NPAS2: variants seen among roughly 807,000 people sequenced by gnomAD.
NPAS2 encodes neuronal PAS domain protein 2, also known as neuronal PAS domain-containing protein 2.
Under a neutral mutation model 107.5 loss-of-function variants are expected in NPAS2, and 23 were observed. The ratio of observed to expected loss-of-function variants is 0.21; its 90% CI spans 0.15 to 0.30. The LOEUF is 0.30. Ranked by LOEUF, NPAS2 falls within the 10% of genes least tolerant of loss-of-function variation. NPAS2 has a pLI of 1.00. For missense variants in NPAS2, 756 were observed against 1,043.3 expected (o/e 0.72, Z 3.79); for synonymous variants, 403 against 417.5 (o/e 0.97, Z 0.42).
rs541767166 is a variant in NPAS2 at position 100,863,891 on chromosome 2, C to A, written c.-22-40842C>A. Among the ~76,000 whole-genome samples, 7 of 152,264 alleles carry A rather than the reference C, an allele frequency of 4.6e-5. No individual in the cohort carries two copies. In the South Asian group the frequency reaches 1.5e-3, roughly 32 times the overall value. On this transcript the variant is annotated intron_variant, in intron 1 of 20. Transcript: ENST00000335681. Reference sequence around the variant, plus strand: ...CTTCTCTCTCTCTCATGGACAGTGTCCTCCATCAGTATAAGCTTTTGACCT... The same window carrying A: ...CTTCTCTCTCTCTCATGGACAGTGTACTCCATCAGTATAAGCTTTTGACCT...
chr2:100,850,153 A>G (rs548211621), intron 1 of NPAS2, among the ~76,000 whole-genome samples: 2 of 152,296 alleles, frequency 1.3e-5, no homozygotes, highest in African/African-American at 2.4e-5. Context: ...ATACTTCATA[A>G]AAGGTAATCA....
At chr2:100,857,170 C>T (rs995250850) in intron 1 of NPAS2, among the ~76,000 whole-genome samples, 7 of 151,910 alleles carry the variant, frequency 4.6e-5, no homozygotes, top group African/African-American at 7.2e-5. Context: ...GCCAGGCGGG[C>T]GCCTATAATC....
At chr2:100,882,757 G>GT (rs1680452324) in intron 1 of NPAS2, among the ~76,000 whole-genome samples, 1 of 152,196 alleles carries the variant, frequency 6.6e-6, no homozygotes, top group Non-Finnish European at 1.5e-5. Context: ...CCTCTGCCTT[G>GT]CCTGGGTGAA....
At chr2:100,970,577 A>G (rs1573751958) in intron 11 of NPAS2, 1 of 156,642 alleles carries the variant, frequency 6.4e-6, no homozygotes, top group East Asian at 1.9e-4. Flanking sequence ...TAACTACTAA[A>G]AAAGTTTTGT....
At chr2:100,833,195 CA>C (rs1436129083) in intron 1 of NPAS2, among the ~76,000 whole-genome samples, 1 of 152,178 alleles carries the variant, frequency 6.6e-6, no homozygotes, top group Non-Finnish European at 1.5e-5. Flanking sequence ...TGGCCCATAG[CA>C]GAAAGCTTTG....
rs879738944 is a variant in NPAS2, at chr2:100,996,650, G to A, written c.*1068G>A. On this transcript the variant is annotated 3_prime_UTR_variant, in exon 21 of 21. Coordinates refer to ENST00000335681, the MANE Select transcript of NPAS2 (RefSeq NM_002518.4). ...ATGTAATTATAAGATGAAGCGTAGT[G>A]AATTGTACAGCTGTTGTAATAATGA... 3 of 152,652 alleles carry A rather than the reference G, an allele frequency of 2.0e-5. No homozygotes were observed. The highest frequency in any genetic ancestry group is 4.4e-5 in the Non-Finnish European group (3 of 68,030). The allele number at this position is 152,652 out of a possible 1,614,324, so 9.5% of individuals were successfully genotyped here. A position where few individuals can be genotyped will look rare whatever the true frequency, so the allele number is the denominator to read the frequency against.
chr2:100,887,816 C>T (rs1407510603), intron 1 of NPAS2, among the ~76,000 whole-genome samples: 5 of 152,126 alleles, frequency 3.3e-5, no homozygotes, highest in Admixed American at 6.5e-5. Flanking sequence ...GGGCTGGTGC[C>T]GGCACCGCCC....
At chr2:100,832,162 G>A (rs1052020717) in intron 1 of NPAS2, among the ~76,000 whole-genome samples, 1 of 152,098 alleles carries the variant, frequency 6.6e-6, no homozygotes, top group Non-Finnish European at 1.5e-5. Flanking sequence ...TAGGCACATC[G>A]GCATTCTATC....
intron 1 of NPAS2, among the ~76,000 whole-genome samples, chr2:100,832,118 G>A (rs569037314): frequency 2.6e-5 from 4 of 152,194 alleles, no homozygotes; most frequent in South Asian, 4.1e-4. Context: ...CTGGGCCTGC[G>A]ATCCCCGCTG....
intron 3 of NPAS2, 54 bp downstream of exon 3, chr2:100,925,348 G>A: frequency 6.3e-7 from 1 of 1,582,806 alleles, no homozygotes. Context: ...TCCATGTGGT[G>A]ATGACTTCAC....
intron 10 of NPAS2, among the ~76,000 whole-genome samples, chr2:100,967,639 C>G (rs1676302841): frequency 6.6e-6 from 1 of 152,140 alleles, no homozygotes; most frequent in Non-Finnish European, 1.5e-5. Flanking sequence ...ATTCTTCTTC[C>G]TTGGATCCGT....
intron 1 of NPAS2, among the ~76,000 whole-genome samples, chr2:100,867,178 G>T (rs1033502583): frequency 6.6e-6 from 1 of 152,130 alleles, no homozygotes. Flanking sequence ...CCATTATTGG[G>T]TATAATATTC....
At chr2:100,967,375 C>T (rs1676285681) in intron 10 of NPAS2, among the ~76,000 whole-genome samples, 1 of 151,406 alleles carries the variant, frequency 6.6e-6, no homozygotes, top group Non-Finnish European at 1.5e-5. Context: ...AACAGACGCC[C>T]GCCACCACAC....
At chr2:100,912,396 T>C (rs193262588) in intron 2 of NPAS2, among the ~76,000 whole-genome samples, 18 of 152,300 alleles carry the variant, frequency 1.2e-4, no homozygotes, top group Non-Finnish European at 2.4e-4. Flanking sequence ...TGGAAGGAAC[T>C]TGGGTATCAG....
intron 1 of NPAS2, among the ~76,000 whole-genome samples, chr2:100,872,958 A>C (rs1679669514): frequency 6.6e-6 from 1 of 152,088 alleles, no homozygotes; most frequent in African/African-American, 2.4e-5. Context: ...TCTAGTAAGT[A>C]CCAAAGACTT....
At chr2:100,890,269 G>A (rs542682023) in intron 1 of NPAS2, among the ~76,000 whole-genome samples, 2 of 152,324 alleles carry the variant, frequency 1.3e-5, no homozygotes, top group East Asian at 3.9e-4. Flanking sequence ...GCTGGGCTCA[G>A]AGGTAGTGCG....
At chr2:100,995,346 T>G in intron 20 of NPAS2, 54 bp from the exon 21 acceptor site, 1 of 1,504,136 alleles carries the variant, frequency 6.6e-7, no homozygotes. Flanking sequence ...TGTAAGACAG[T>G]TGAGGAGCGG....
chr2:100,979,528 T>TTTTTC (rs1677299824), intron 15 of NPAS2, among the ~76,000 whole-genome samples: 2 of 107,858 alleles, frequency 1.9e-5, no homozygotes, highest in African/African-American at 7.4e-5. Flanking sequence ...TTTTTTTTTT[T>TTTTTC]CTGAGACGGA....
At chr2:100,993,667 GTTATTTGA>G in intron 20 of NPAS2, 140 bp downstream of exon 20, 1 of 632,390 alleles carries the variant, frequency 1.6e-6, no homozygotes. Context: ...CAGAAAGATT[GTTATTTGA>G]TTGTTTTTCA....
Sources: gnomAD v4.1 joint callset for allele counts (sites outside exome capture counted in the v4.1 genomes callset) on GRCh38, gnomAD v4.1.1 for gene constraint, MANE v1.5 for transcripts, NCBI Gene and HGNC (gene_info 2026-07-23, HGNC 2026-07-21) for gene names.